Variants in GPR141 observed in about 807,000 individuals in gnomAD.
GPR141 encodes probable G protein-coupled receptor 141.
A neutral mutation model predicts 6.8 loss-of-function variants in GPR141; 6 were observed. The observed-to-expected ratio is 0.88, with a 90% CI of 0.48 to 1.74. GPR141 has a LOEUF of 1.74. Among genes scored for constraint, GPR141 ranks in the 40% most tolerant of loss-of-function variants. GPR141 has a pLI of 0.01. For synonymous variants in GPR141, 140 were observed against 142.3 expected, an observed-to-expected ratio of 0.98 and a Z score of 0.11; for missense variants, 372 against 372.9, an observed-to-expected ratio of 1.00 and a Z score of 0.02.
rs551726266 is a variant in GPR141, at chr7:37,702,735, A to G, written c.-15+17152A>G. ...CATGTACCCTAAAACTTAAAGTATA[A>G]TAAAAAATAAATAAATAAATAAATA... is the stretch of plus-strand genomic sequence containing the variant. On this transcript the variant is annotated intron_variant, in intron 2 of 2. Coordinates refer to ENST00000334425, the MANE Select transcript of GPR141 (RefSeq NM_001381946.1). 5.4e-3 allele frequency among the ~76,000 whole-genome samples: 817 copies of G among 149,930 alleles called. 8 individuals are homozygous for G. The highest frequency in any genetic ancestry group is 0.018 in the African/African-American group (757 of 41,156).
At chr7:37,709,440 A>C (rs1810688682) in intron 2 of GPR141, among the ~76,000 whole-genome samples, 1 of 152,156 alleles carries the variant, frequency 6.6e-6, no homozygotes, top group Non-Finnish European at 1.5e-5. Context: ...TAGTATATGT[A>C]TTTTGTACCT....
intron 2 of GPR141, among the ~76,000 whole-genome samples, chr7:37,710,714 C>T (rs762819895): frequency 1.1e-4 from 16 of 152,266 alleles, no homozygotes; most frequent in African/African-American, 3.9e-4. Context: ...GTCTGAGTGC[C>T]AGGGACGCTT....
chr7:37,735,154 T>A (rs1243036753), intron 2 of GPR141, among the ~76,000 whole-genome samples: 2 of 152,104 alleles, frequency 1.3e-5, no homozygotes, highest in Admixed American at 1.3e-4. Flanking sequence ...ATCCAAGAAA[T>A]CAAATAAAGT....
At chr7:37,723,746 A>G (rs941755558) in intron 2 of GPR141, among the ~76,000 whole-genome samples, 1 of 152,228 alleles carries the variant, frequency 6.6e-6, no homozygotes, top group Non-Finnish European at 1.5e-5. Context: ...TAAGTAGGCC[A>G]GATGGTGTGT....
intron 2 of GPR141, among the ~76,000 whole-genome samples, chr7:37,697,246 G>C (rs1036891259): frequency 2.0e-5 from 3 of 151,972 alleles, no homozygotes; most frequent in African/African-American, 7.3e-5. Context: ...TTCTTCACAG[G>C]AACAGATCTA....
At position 37,741,032 on chromosome 7, in the gene GPR141, C is replaced by G. The variant is rs769100435; in HGVS notation, c.639C>G (p.His213Gln). The part of the protein sequence containing the change: ...IIMLMVQKLR[H>Q]SLLSHQEFWA... Reference sequence around the variant, plus strand: ...TGTTGATGGTGCAGAAGCTACGCCACTCTTTACTATCCCACCAGGAGTTCT... The same window carrying G: ...TGTTGATGGTGCAGAAGCTACGCCAGTCTTTACTATCCCACCAGGAGTTCT... The change falls in exon 3 of 3, where the codon CAC becomes CAG. Residue 213 changes from histidine (H) to glutamine (Q), a missense_variant. Coordinates refer to ENST00000334425, the MANE Select transcript of GPR141 (RefSeq NM_001381946.1). 13 of 1,614,160 alleles carry G rather than the reference C, an allele frequency of 8.1e-6. No individual in the cohort carries two copies. The South Asian group carries it at 1.4e-4, about 18-fold the overall frequency.
At chr7:37,717,709 A>G (rs962927588) in intron 2 of GPR141, among the ~76,000 whole-genome samples, 1 of 152,146 alleles carries the variant, frequency 6.6e-6, no homozygotes, top group Non-Finnish European at 1.5e-5. Flanking sequence ...GCTCTGATGC[A>G]CTATCTTATT....
chr7:37,684,919 GT>G (rs894910742), intron 1 of GPR141, among the ~76,000 whole-genome samples: 2 of 152,200 alleles, frequency 1.3e-5, no homozygotes, highest in African/African-American at 4.8e-5. Flanking sequence ...CTAGTCCTCT[GT>G]TTTCTAGTAA....
At chr7:37,725,453 T>C (rs1327436633) in intron 2 of GPR141, among the ~76,000 whole-genome samples, 1 of 152,200 alleles carries the variant, frequency 6.6e-6, no homozygotes, top group Non-Finnish European at 1.5e-5. Flanking sequence ...GGCATCCTCC[T>C]AGTCCTCTAA....
At chr7:37,732,437 C>A (rs10274573) in intron 2 of GPR141, among the ~76,000 whole-genome samples, 1 of 151,750 alleles carries the variant, frequency 6.6e-6, no homozygotes, top group Non-Finnish European at 1.5e-5. Context: ...TAGCTGTAGT[C>A]CATGGGACAG....
chr7:37,736,439 A>G (rs937002463), intron 2 of GPR141, among the ~76,000 whole-genome samples: 33 of 151,800 alleles, frequency 2.2e-4, no homozygotes, highest in Admixed American at 1.8e-3. Flanking sequence ...TATTTCCCAA[A>G]AGTGACAAAA....
intron 2 of GPR141, among the ~76,000 whole-genome samples, chr7:37,725,173 A>C (rs1403242967): frequency 6.6e-6 from 1 of 152,150 alleles, no homozygotes. Context: ...TCTTCTTGGA[A>C]GAAGGGGTGA....
chr7:37,703,149 T>C (rs1810369031), intron 2 of GPR141, among the ~76,000 whole-genome samples: 1 of 152,156 alleles, frequency 6.6e-6, no homozygotes, highest in Non-Finnish European at 1.5e-5. Flanking sequence ...TGTGTACACA[T>C]TGTAGGTTGA....
chr7:37,740,720 C>G lies in GPR141; in HGVS notation c.327C>G (p.Ile109Met), dbSNP rs763366923. Reference sequence around the variant, plus strand: ...TCACGTTCCTATTCTATGTGGTGATCCTGGTCACCAGATACCTCATCTTCT... The same window carrying G: ...TCACGTTCCTATTCTATGTGGTGATGCTGGTCACCAGATACCTCATCTTCT... ...MYLTFLFYVV[I>M]LVTRYLIFFK... Residue 109 changes from isoleucine to methionine, a missense_variant, in exon 3 of 3, where the codon ATC (isoleucine) becomes ATG (methionine). Physicochemically the swap from Ile to Met is conservative, Grantham distance 10 (BLOSUM62 1). Coordinates refer to ENST00000334425, the MANE Select transcript of GPR141 (RefSeq NM_001381946.1). 6.2e-7 allele frequency: 1 copy of G among 1,614,072 alleles called. No individual in the cohort carries two copies. The highest frequency in any genetic ancestry group is 1.1e-5 in the South Asian group (1 of 91,086).
intron 2 of GPR141, among the ~76,000 whole-genome samples, chr7:37,729,397 C>A (rs1361693014): frequency 6.6e-6 from 1 of 152,186 alleles, no homozygotes; most frequent in Non-Finnish European, 1.5e-5. Context: ...CAGTTTATTT[C>A]TGGGATCCTG....
At chr7:37,723,283 G>A (rs533527963) in intron 2 of GPR141, among the ~76,000 whole-genome samples, 7 of 152,090 alleles carry the variant, frequency 4.6e-5, no homozygotes, top group South Asian at 2.1e-4. Context: ...ATGAGCCACC[G>A]TGCCTGGCCT....
intron 2 of GPR141, among the ~76,000 whole-genome samples, chr7:37,706,554 C>A (rs1810531478): frequency 6.6e-6 from 1 of 151,980 alleles, no homozygotes; most frequent in African/African-American, 2.4e-5. Flanking sequence ...ATAGTTCCTT[C>A]CGCTCATCTG....
At chr7:37,696,369 T>G (rs567518350) in intron 2 of GPR141, among the ~76,000 whole-genome samples, 1 of 152,274 alleles carries the variant, frequency 6.6e-6, no homozygotes, top group East Asian at 1.9e-4. Context: ...ACAAAACCCC[T>G]TTGAAAATTG....
chr7:37,726,904 G>A (rs1329610004), intron 2 of GPR141, among the ~76,000 whole-genome samples: 2 of 152,182 alleles, frequency 1.3e-5, no homozygotes, highest in African/African-American at 4.8e-5. Context: ...AGTTGCTGAA[G>A]GAGTGGAGGT....
Sources: gnomAD v4.1 joint callset for allele counts (sites outside exome capture counted in the v4.1 genomes callset) on GRCh38, gnomAD v4.1.1 for gene constraint, MANE v1.5 for transcripts, NCBI Gene and HGNC (gene_info 2026-07-23, HGNC 2026-07-21) for gene names.